FNTA: variants seen among roughly 807,000 people sequenced by gnomAD.
FNTA encodes the protein protein farnesyltransferase/geranylgeranyltransferase type-1 subunit alpha.
A neutral mutation model predicts 55.2 loss-of-function variants in FNTA; 27 were observed. The ratio of observed to expected loss-of-function variants is 0.49; its 90% confidence interval spans 0.36 to 0.67. The LOEUF is 0.67. Among genes scored for constraint, FNTA ranks in the 30% least tolerant of loss-of-function variants. The pLI is 0.00. For synonymous variants in FNTA, 176 were observed against 170.7 expected, an observed-to-expected ratio of 1.03 and a Z score of -0.24; for missense variants, 422 against 464.7, an observed-to-expected ratio of 0.91 and a Z score of 0.85.
chr8:43,070,404 T>C (rs1810760630), intron 4 of FNTA: 1 of 152,222 alleles, frequency 6.6e-6, no homozygotes, highest in South Asian at 2.1e-4. Context: ...GAAATTACAT[T>C]ATAAAATAAT....
chr8:43,056,361 G>A lies in FNTA; in HGVS notation c.15G>A (p.Glu5=). 1 of 1,430,340 alleles carries A rather than the reference G, an allele frequency of 7.0e-7. No homozygotes were observed. The highest frequency in any genetic ancestry group is 9.1e-7 in the Non-Finnish European group (1 of 1,098,260). The allele number at this position is 1,430,340 out of a possible 1,614,324, so 88.6% of individuals were successfully genotyped here. The change falls in exon 1 of 9, where the codon GAG becomes GAA. Residue 5 remains glutamate, a synonymous_variant. Coordinates refer to ENST00000302279, the MANE Select transcript of FNTA (RefSeq NM_002027.3). The part of the protein sequence containing the change: MAAT[E]GVGEAAQGGE... ...ACCGAGGCGAGATGGCGGCCACCGA[G>A]GGGGTCGGGGAGGCTGCGCAAGGGG... is the stretch of plus-strand genomic sequence containing the variant.
At chr8:43,057,524 T>G (rs890047783) in intron 1 of FNTA, among the ~76,000 whole-genome samples, 1 of 152,114 alleles carries the variant, frequency 6.6e-6, no homozygotes, top group Non-Finnish European at 1.5e-5. Flanking sequence ...CCCAGGCCAC[T>G]CCCCCAGGCT....
At chr8:43,064,331 G>A (rs1263933989) in intron 3 of FNTA, 116 bp downstream of exon 3, 3 of 643,670 alleles carry the variant, frequency 4.7e-6, no homozygotes, top group South Asian at 3.8e-5. Flanking sequence ...TTTGGAGGGG[G>A]GTGCAGTTTC....
Position 43,072,238 on chromosome 8 carries a change from TA to T in FNTA, c.565del (p.Ile189LeufsTer39). 1 of 1,592,964 alleles carries T rather than the reference TA, an allele frequency of 6.3e-7. No homozygotes were observed. On this transcript the variant is annotated frameshift_variant, in exon 5 of 9. Coordinates refer to ENST00000302279, the MANE Select transcript of FNTA (RefSeq NM_002027.3). LOFTEE classifies it high-confidence loss of function. ...LRDPSQELEF[I>X]ADILNQDAKN... ...GAGATCCATCTCAGGAGCTTGAATTTATTGCTGATATTCTTAATCAGGATGC... is the reference window on the plus strand; with the variant it reads ...GAGATCCATCTCAGGAGCTTGAATTTTTGCTGATATTCTTAATCAGGATGC...
At position 43,083,962 on chromosome 8, in the gene FNTA, A is replaced by G. The variant is rs144919192; in HGVS notation, c.846-748A>G. Among the ~76,000 whole-genome samples the G allele has an allele frequency of 2.6e-5, 4 of 152,248 alleles. No individual in the cohort carries two copies. The East Asian group carries it at 7.7e-4, about 29-fold the overall frequency. ...TTGGTGCACACCTGTAATCCCAGCT[A>G]CTTGGGAGGCTGAAGCACGAGAGTT... On this transcript the variant is annotated intron_variant, in intron 7 of 8. Transcript: ENST00000302279.
intron 3 of FNTA, 91 bp from the exon 4 acceptor site, chr8:43,069,464 A>G (rs1810736127): frequency 1.3e-6 from 1 of 793,784 alleles, no homozygotes; most frequent in African/African-American, 1.7e-5. Flanking sequence ...AATTTGTCTA[A>G]CTGTATTGCT....
At chr8:43,056,597 G>T (rs1810408016) in intron 1 of FNTA, 51 bp downstream of exon 1, 2 of 1,200,504 alleles carry the variant, frequency 1.7e-6, no homozygotes, top group South Asian at 3.0e-5. Context: ...GAGGCCCAGC[G>T]GCCCCAAGAC....
intron 2 of FNTA, among the ~76,000 whole-genome samples, chr8:43,062,728 C>T (rs959657664): frequency 5.9e-5 from 9 of 152,142 alleles, no homozygotes; most frequent in African/African-American, 1.4e-4. Flanking sequence ...CAAAATACTT[C>T]GACACCAAAT....
intron 6 of FNTA, chr8:43,080,035 G>A (rs764664760): frequency 2.0e-5 from 3 of 152,210 alleles, no homozygotes; most frequent in Non-Finnish European, 4.4e-5. Context: ...GCTTCTTATG[G>A]ATGAGCAAAA....
At chr8:43,075,031 A>G (rs1810878179) in intron 5 of FNTA, among the ~76,000 whole-genome samples, 1 of 152,184 alleles carries the variant, frequency 6.6e-6, no homozygotes, top group African/African-American at 2.4e-5. Flanking sequence ...GGGGAATCTA[A>G]GTGAAGGGTA....
chr8:43,066,265 T>TC (rs906465091), intron 3 of FNTA, among the ~76,000 whole-genome samples: 4 of 150,510 alleles, frequency 2.7e-5, no homozygotes, highest in African/African-American at 9.9e-5. Context: ...GAATATGCTT[T>TC]TTTTTTTTTG....
At chr8:43,080,569 A>C (rs1020773443) in intron 6 of FNTA, 1 of 152,214 alleles carries the variant, frequency 6.6e-6, no homozygotes, top group Non-Finnish European at 1.5e-5. Context: ...AAATTGCTTT[A>C]CTGAACCTTC....
chr8:43,085,030 C>T, intron 8 of FNTA, 130 bp from the exon 9 acceptor site: 1 of 1,122,580 alleles, frequency 8.9e-7, no homozygotes, highest in South Asian at 1.5e-5. Context: ...CATCACTTGG[C>T]AACACAGCCG....
At chr8:43,081,204 G>A (rs557437118) in intron 6 of FNTA, 1 of 152,016 alleles carries the variant, frequency 6.6e-6, no homozygotes, top group African/African-American at 2.4e-5. Flanking sequence ...GTCTTTTACT[G>A]TTCTTCATCC....
rs761606307 is a variant in FNTA, at chr8:43,056,530, T to C, written c.184T>C (p.Ser62Pro). 7.6e-5 allele frequency: 117 copies of C among 1,547,504 alleles called. No homozygotes were observed. The highest frequency in any genetic ancestry group is 9.9e-5 in the Non-Finnish European group (114 of 1,150,448). ...DDGFVSLDSP[S>P]YVLYRDRAEW... ...CGGGTTTGTGAGCCTGGACTCGCCC[T>C]CCTATGTCCTGTACAGGTAACGCCC... The change falls in exon 1 of 9, where the codon TCC becomes CCC. Residue 62 changes from serine to proline, a missense_variant. Coordinates refer to ENST00000302279, the MANE Select transcript of FNTA (RefSeq NM_002027.3).
At chr8:43,074,331 C>T (rs564985569) in intron 5 of FNTA, among the ~76,000 whole-genome samples, 1 of 152,254 alleles carries the variant, frequency 6.6e-6, no homozygotes, top group South Asian at 2.1e-4. Context: ...CACGACTAGC[C>T]TGGCAACATG....
intron 3 of FNTA, among the ~76,000 whole-genome samples, chr8:43,068,148 G>A (rs112401548): frequency 0.046 from 6,962 of 152,020 alleles, 317 homozygotes; most frequent in African/African-American, 0.11. Context: ...CGCCCACCTC[G>A]GCCTCCCAAA....
intron 6 of FNTA, chr8:43,080,896 G>T (rs1284238993): frequency 1.3e-5 from 2 of 152,152 alleles, no homozygotes; most frequent in Admixed American, 1.3e-4. Context: ...CTTTTCAGAG[G>T]CAGATCACTG....
chr8:43,059,718 G>C (rs1050729918), intron 2 of FNTA, among the ~76,000 whole-genome samples: 1 of 152,138 alleles, frequency 6.6e-6, no homozygotes. Flanking sequence ...AAGGGAAAAT[G>C]AATAAAATGG....
Sources: gnomAD v4.1 joint callset for allele counts (sites outside exome capture counted in the v4.1 genomes callset) on GRCh38, gnomAD v4.1.1 for gene constraint, MANE v1.5 for transcripts, NCBI Gene and HGNC (gene_info 2026-07-23, HGNC 2026-07-21) for gene names.